Variants in PRKAG2 observed in about 807,000 individuals in gnomAD.
The protein encoded by PRKAG2 is protein kinase AMP-activated non-catalytic subunit gamma 2.
Under a neutral mutation model 69.6 loss-of-function variants are expected in PRKAG2, and 26 were observed. The ratio of observed to expected loss-of-function variants is 0.37; its 90% CI spans 0.27 to 0.52. The LOEUF (loss-of-function observed/expected upper bound fraction) is 0.52, where lower values mean the gene tolerates loss of function less well. PRKAG2 is among the 20% of genes least tolerant of loss of function. The pLI is 0.90. For missense variants in PRKAG2, 557 were observed against 740.0 expected (o/e 0.75, Z 2.87); for synonymous variants, 293 against 285.0 (o/e 1.03, Z -0.28).
chr7:151,744,206 A>G (rs2074112685), intron 3 of PRKAG2, among the ~76,000 whole-genome samples: 1 of 152,030 alleles, frequency 6.6e-6, no homozygotes, highest in East Asian at 1.9e-4. Flanking sequence ...ATGCGAGTAA[A>G]CCCTTTAATT....
intron 5 of PRKAG2, among the ~76,000 whole-genome samples, chr7:151,611,252 C>G (rs1171111720): frequency 6.6e-6 from 1 of 152,166 alleles, no homozygotes; most frequent in African/African-American, 2.4e-5. Flanking sequence ...GAGTGCTGAT[C>G]GATGGTTACA....
intron 5 of PRKAG2, 86 bp from the exon 6 acceptor site, chr7:151,595,540 A>G: frequency 1.1e-6 from 1 of 916,734 alleles, no homozygotes. Flanking sequence ...TATCACTAAC[A>G]GACTTAATGG....
chr7:151,831,565 T>C (rs981540166), intron 1 of PRKAG2, among the ~76,000 whole-genome samples: 2 of 152,174 alleles, frequency 1.3e-5, no homozygotes, highest in Non-Finnish European at 2.9e-5. Flanking sequence ...CCTTAGTGAG[T>C]TAATGGCTAT....
intron 1 of PRKAG2, among the ~76,000 whole-genome samples, chr7:151,827,358 C>T (rs555138417): frequency 5.9e-5 from 9 of 152,324 alleles, no homozygotes; most frequent in Non-Finnish European, 1.0e-4. Context: ...CCTACTTCAG[C>T]CTCTGGAGTA....
At chr7:151,579,565 T>G (rs376470527) in intron 6 of PRKAG2, among the ~76,000 whole-genome samples, 1 of 151,922 alleles carries the variant, frequency 6.6e-6, no homozygotes, top group East Asian at 1.9e-4. Context: ...CAACACGGGG[T>G]GGATTCTGGG....
Position 151,736,343 on chromosome 7 carries a change from G to C in PRKAG2, c.466+44809C>G, listed in dbSNP as rs140560604. The C allele has an allele frequency of 1.1e-3, 1,165 of 1,082,624 alleles. 28 individuals are homozygous for C. Among genetic ancestry groups the C allele is most frequent in the South Asian group, 3.7e-4 (12 of 32,372 alleles). 67.1% of individuals were successfully genotyped at this position (1,082,624 alleles called of 1,614,324 possible). On this transcript the variant is annotated intron_variant, in intron 3 of 15. Transcript: ENST00000287878. ...AACAGAACTTCGCAGGGGATTTGTT[G>C]ATGTAGTTAAGGTCAGCTGCTCACT...
At chr7:151,811,683 C>T (rs1040185811) in intron 1 of PRKAG2, among the ~76,000 whole-genome samples, 3 of 152,198 alleles carry the variant, frequency 2.0e-5, no homozygotes, top group Admixed American at 6.5e-5. Flanking sequence ...CCACTGGTGC[C>T]GGGCTGCTGA....
At chr7:151,681,935 C>G (rs995406784) in intron 3 of PRKAG2, among the ~76,000 whole-genome samples, 2 of 152,172 alleles carry the variant, frequency 1.3e-5, no homozygotes, top group Non-Finnish European at 2.9e-5. Flanking sequence ...AGAAGAGGTG[C>G]CACAGAAGAG....
chr7:151,831,680 TC>T (rs551052086), intron 1 of PRKAG2, among the ~76,000 whole-genome samples: 4 of 151,952 alleles, frequency 2.6e-5, no homozygotes, highest in African/African-American at 2.4e-5. Flanking sequence ...ATTTGTATGT[TC>T]CCCCCCTTGC....
intron 4 of PRKAG2, among the ~76,000 whole-genome samples, chr7:151,662,453 C>T (rs1251242461): frequency 6.6e-6 from 1 of 152,216 alleles, no homozygotes. Context: ...ATCCAGGCTG[C>T]ACTTTTATAA....
chr7:151,836,004 T>C lies in PRKAG2; in HGVS notation c.114+40503A>G, dbSNP rs557592917. Among the ~76,000 whole-genome samples, 9 of 152,256 alleles carry C rather than the reference T, an allele frequency of 5.9e-5. No homozygotes were observed. The South Asian group carries it at 1.9e-3, about 32-fold the overall frequency. ...CGTGTCTGAGCTCCCTGTGAATGTA[T>C]CTAATTTGTGGGACTTGCAGGACCC... On this transcript the variant is annotated intron_variant, in intron 1 of 15. Coordinates refer to ENST00000287878, the MANE Select transcript of PRKAG2 (RefSeq NM_016203.4). This position sits in a 1 kb window ranked among gnomAD's most constrained non-coding sequence, Gnocchi z 4.1.
intron 5 of PRKAG2, among the ~76,000 whole-genome samples, chr7:151,618,855 C>T (rs942471236): frequency 1.3e-5 from 2 of 152,166 alleles, no homozygotes; most frequent in Non-Finnish European, 2.9e-5. Flanking sequence ...CATAATTTTA[C>T]AGGATTTACA....
At chr7:151,631,771 G>A in intron 5 of PRKAG2, 1 of 477,308 alleles carries the variant, frequency 2.1e-6, no homozygotes, top group Non-Finnish European at 4.2e-6. Flanking sequence ...ACACCTTGCT[G>A]TAATTCGAGT....
intron 3 of PRKAG2, among the ~76,000 whole-genome samples, chr7:151,740,186 C>T (rs1015756559): frequency 5.9e-5 from 9 of 152,220 alleles, no homozygotes; most frequent in South Asian, 2.1e-4. Context: ...CTCCTCCTCC[C>T]GGGCTGCTGG....
chr7:151,868,535 CTTTG>C (rs1175934001), intron 1 of PRKAG2, among the ~76,000 whole-genome samples: 1 of 152,242 alleles, frequency 6.6e-6, no homozygotes, highest in Non-Finnish European at 1.5e-5. Context: ...GCCCATCGGC[CTTTG>C]TTTGTTGCGC....
At chr7:151,809,560 G>C in intron 1 of PRKAG2, 1 of 222,232 alleles carries the variant, frequency 4.5e-6, no homozygotes, top group Non-Finnish European at 9.2e-6. Flanking sequence ...ATACCTCCAG[G>C]TTCCCTGCCA....
At chr7:151,678,435 T>A (rs1240819116) in intron 3 of PRKAG2, among the ~76,000 whole-genome samples, 1 of 151,642 alleles carries the variant, frequency 6.6e-6, no homozygotes, top group African/African-American at 2.4e-5. Context: ...CTGTGGAGAG[T>A]GGGGCGCATG....
chr7:151,561,935 A>G (rs1462863908), intron 14 of PRKAG2, among the ~76,000 whole-genome samples: 2 of 134,978 alleles, frequency 1.5e-5, no homozygotes, highest in African/African-American at 2.8e-5. Context: ...TGTGTCTTAA[A>G]AAAAAAAAAA....
At chr7:151,742,982 A>G (rs1471059337) in intron 3 of PRKAG2, among the ~76,000 whole-genome samples, 1 of 152,216 alleles carries the variant, frequency 6.6e-6, no homozygotes, top group East Asian at 1.9e-4. Flanking sequence ...CTTCTTCAGC[A>G]TACGTGGGCG....
Sources: allele counts gnomAD v4.1 joint callset (sites outside exome capture counted in the v4.1 genomes callset), GRCh38; gene constraint gnomAD v4.1.1; non-coding constraint Gnocchi (gnomAD v3.1); transcripts MANE v1.5; gene names NCBI Gene and HGNC (gene_info 2026-07-23, HGNC 2026-07-21).